TUFT1: variants seen among roughly 807,000 people sequenced by gnomAD.
TUFT1 encodes tuftelin.
Under a neutral mutation model 57.8 loss-of-function variants are expected in TUFT1, and 43 were observed. That is an observed-to-expected ratio of 0.74 (90% CI 0.58 to 0.96). The LOEUF is 0.96. Among genes scored for constraint, TUFT1 ranks in the 40% least tolerant of loss-of-function variants. The pLI is 0.00. For missense variants in TUFT1, 459 were observed against 489.0 expected (o/e 0.94, Z 0.58); for synonymous variants, 166 against 176.7 (o/e 0.94, Z 0.48).
intron 1 of TUFT1, among the ~76,000 whole-genome samples, chr1:151,549,809 C>G (rs1449698570): frequency 6.6e-6 from 1 of 152,146 alleles, no homozygotes; most frequent in Admixed American, 6.5e-5. Flanking sequence ...GCCGCCTTGA[C>G]CTTATGAGCT....
chr1:151,581,377 G>A (rs545622934), intron 12 of TUFT1, among the ~76,000 whole-genome samples: 3 of 152,158 alleles, frequency 2.0e-5, no homozygotes, highest in Non-Finnish European at 2.9e-5. Context: ...TGACAAAATC[G>A]AGAATCACAG....
At chr1:151,561,972 A>T (rs925127846) in intron 1 of TUFT1, 119 bp from the exon 2 acceptor site, 2 of 1,479,726 alleles carry the variant, frequency 1.4e-6, no homozygotes, top group Admixed American at 3.7e-5. Flanking sequence ...CTAGTCTGTG[A>T]AGTGGTGATG....
chr1:151,566,686 T>C (rs1005273490), intron 6 of TUFT1, among the ~76,000 whole-genome samples: 1 of 152,216 alleles, frequency 6.6e-6, no homozygotes, highest in African/African-American at 2.4e-5. Flanking sequence ...TTAAATATCA[T>C]GTATATGTTA....
intron 5 of TUFT1, 177 bp downstream of exon 5, chr1:151,564,791 G>A (rs1160401815): frequency 3.9e-5 from 22 of 557,110 alleles, no homozygotes; most frequent in Admixed American, 2.8e-4. Context: ...CTCTCCAGCC[G>A]ATGAGCACTT....
In TUFT1 at chr1:151,560,995, TGTGTGTGTGA is replaced by T. The variant is rs759983094; in HGVS notation, c.61-1091_61-1082del. Among the ~76,000 whole-genome samples, 666 of 143,780 alleles carry T rather than the reference TGTGTGTGTGA, an allele frequency of 4.6e-3. 2 individuals are homozygous for T. Among genetic ancestry groups the T allele is most frequent in the Non-Finnish European group, 7.0e-3 (441 of 63,408 alleles). 94.3% of individuals were successfully genotyped at this position (143,780 alleles called of 152,430 possible). ...GTGTGTGTGTGTGTGTGTGTGTGTGTGTGTGTGTGAGTGTTTGAGACGGAGTCTTGCTCTG... is the reference window on the plus strand; with the variant it reads ...GTGTGTGTGTGTGTGTGTGTGTGTGTGTGTTTGAGACGGAGTCTTGCTCTG... On this transcript the variant is annotated intron_variant, in intron 1 of 12. Coordinates refer to ENST00000368849, the MANE Select transcript of TUFT1 (RefSeq NM_020127.3).
In TUFT1 at chr1:151,561,219, C is replaced by T. The variant is rs184341743; in HGVS notation, c.61-872C>T. Among the ~76,000 whole-genome samples the T allele has an allele frequency of 3.2e-4, 48 of 152,126 alleles. No homozygotes were observed. In the East Asian group the frequency reaches 7.2e-3, roughly 23 times the overall value. On this transcript the variant is annotated intron_variant, in intron 1 of 12. Transcript: ENST00000368849. ...TTCACTGTGTTAGCCAGGATGGTCT[C>T]GATCTCCTGACCTCGTGATCCACCT...
chr1:151,543,575 A>G (rs1665234231), intron 1 of TUFT1, among the ~76,000 whole-genome samples: 1 of 152,206 alleles, frequency 6.6e-6, no homozygotes, highest in African/African-American at 2.4e-5. Flanking sequence ...AATTATTAGA[A>G]GGAAATAGAG....
At chr1:151,551,755 G>T (rs999224471) in intron 1 of TUFT1, among the ~76,000 whole-genome samples, 18 of 152,112 alleles carry the variant, frequency 1.2e-4, no homozygotes, top group Admixed American at 9.8e-4. Flanking sequence ...GTACTGGAGG[G>T]AGTCAAAACA....
At chr1:151,552,707 C>CAAA (rs869244649) in intron 1 of TUFT1, among the ~76,000 whole-genome samples, 5,393 of 53,436 alleles carry the variant, frequency 0.1, 2,084 homozygotes, top group East Asian at 0.19. Flanking sequence ...GACTCTGTCT[C>CAAA]AAAAAAAAAA....
chr1:151,564,012 C>A, intron 4 of TUFT1, 22 bp downstream of exon 4: 1 of 1,578,908 alleles, frequency 6.3e-7, no homozygotes, highest in Non-Finnish European at 8.7e-7. Context: ...TTACCTCTCA[C>A]GCAGTGCCTA....
chr1:151,564,740 G>A (rs1666009573), intron 5 of TUFT1, 126 bp downstream of exon 5: 3 of 788,518 alleles, frequency 3.8e-6, no homozygotes, highest in Admixed American at 4.5e-5. Context: ...GAAAATAGAG[G>A]TGATGCTGGC....
At chr1:151,544,432 G>A (rs1006092284) in intron 1 of TUFT1, among the ~76,000 whole-genome samples, 1 of 152,132 alleles carries the variant, frequency 6.6e-6, no homozygotes, top group South Asian at 2.1e-4. Context: ...GAGTAGCTGG[G>A]ATTACAGGCA....
At chr1:151,542,262 C>A (rs573892348) in intron 1 of TUFT1, among the ~76,000 whole-genome samples, 2 of 151,922 alleles carry the variant, frequency 1.3e-5, no homozygotes, top group Admixed American at 6.6e-5. Context: ...GCTCTGTTGC[C>A]CAGGCTGGAG....
At chr1:151,541,440 A>G (rs1665163473) in intron 1 of TUFT1, among the ~76,000 whole-genome samples, 1 of 151,962 alleles carries the variant, frequency 6.6e-6, no homozygotes, top group Non-Finnish European at 1.5e-5. Flanking sequence ...GGTGTGTACT[A>G]TTTCATCAAT....
At chr1:151,566,312 C>A in intron 6 of TUFT1, 84 bp downstream of exon 6, 1 of 848,732 alleles carries the variant, frequency 1.2e-6, no homozygotes, top group Non-Finnish European at 1.8e-6. Flanking sequence ...ATTGCTTTCT[C>A]TCTCTCTCTC....
intron 1 of TUFT1, chr1:151,540,748 A>T: frequency 2.9e-6 from 1 of 339,246 alleles, no homozygotes; most frequent in Non-Finnish European, 5.5e-6. Flanking sequence ...ACATTGGGTC[A>T]TAAGAGAATG....
chr1:151,551,603 G>A (rs956472217), intron 1 of TUFT1, among the ~76,000 whole-genome samples: 1 of 152,046 alleles, frequency 6.6e-6, no homozygotes, highest in African/African-American at 2.4e-5. Flanking sequence ...TACCCCGGTC[G>A]GAGAAAGCAA....
intron 7 of TUFT1, among the ~76,000 whole-genome samples, chr1:151,572,286 G>A (rs984328397): frequency 4.6e-5 from 7 of 152,048 alleles, no homozygotes; most frequent in African/African-American, 1.7e-4. Context: ...GGCTAGGTTG[G>A]CACACCTTTT....
rs909030599 is a variant in TUFT1 at position 151,581,137 on chromosome 1, G to T, written c.1109+95G>T. ...CCTTTAGTGCTAAGGCAAGAACAAG[G>T]CTCCTTTAAATCCAACTTTCCTCCC... On this transcript the variant is annotated intron_variant, in intron 12 of 12. Coordinates refer to ENST00000368849, the MANE Select transcript of TUFT1 (RefSeq NM_020127.3). 3.3e-6 allele frequency: 4 copies of T among 1,196,350 alleles called. No individual in the cohort carries two copies. In the East Asian group the frequency reaches 7.2e-5, roughly 22 times the overall value. 74.1% of individuals were successfully genotyped at this position (1,196,350 alleles called of 1,614,324 possible). A position where few individuals can be genotyped will look rare whatever the true frequency, so the allele number is the denominator to read the frequency against.
Sources: gnomAD v4.1 joint callset for allele counts (sites outside exome capture counted in the v4.1 genomes callset) on GRCh38, gnomAD v4.1.1 for gene constraint, MANE v1.5 for transcripts, NCBI Gene and HGNC (gene_info 2026-07-23, HGNC 2026-07-21) for gene names.